Variants in ANO10 observed in about 807,000 individuals in gnomAD.
ANO10 encodes the protein anoctamin-10.
ANO10 carries 77 observed loss-of-function variants against 74.7 expected under a neutral mutation model. That is an observed-to-expected ratio of 1.03 (90% CI 0.86 to 1.25). The LOEUF (loss-of-function observed/expected upper bound fraction) is 1.25. Among genes scored for constraint, ANO10 ranks in the 50% most tolerant of loss-of-function variants. ANO10 has a pLI of 0.00. For missense variants in ANO10, 721 were observed against 778.1 expected (o/e 0.93, Z 0.87); for synonymous variants, 279 against 284.9 (o/e 0.98, Z 0.21).
At chr3:43,612,865 T>A (rs568868532) in intron 1 of ANO10, among the ~76,000 whole-genome samples, 1 of 152,100 alleles carries the variant, frequency 6.6e-6, no homozygotes, top group Non-Finnish European at 1.5e-5. Flanking sequence ...TAAGTGAATG[T>A]TGGATTAAAA....
chr3:43,448,898 G>C lies in ANO10; in HGVS notation c.1798-16171C>G, dbSNP rs1208496330. Among the ~76,000 whole-genome samples the C allele has an allele frequency of 3.6e-5, 5 of 138,718 alleles. No homozygotes were observed. The Admixed American group carries it at 3.9e-4, about 11-fold the overall frequency. 91.0% of individuals were successfully genotyped at this position (138,718 alleles called of 152,430 possible). A position where few individuals can be genotyped will look rare whatever the true frequency, so the allele number is the denominator to read the frequency against. ...CTTTTTTTTTTTTTTTGGAGACAGAGTCTTGTTCTGTCACCCAGGCTGGAG... is the reference window on the plus strand; with the variant it reads ...CTTTTTTTTTTTTTTTGGAGACAGACTCTTGTTCTGTCACCCAGGCTGGAG... On this transcript the variant is annotated intron_variant, in intron 11 of 12. Coordinates refer to ENST00000292246, the MANE Select transcript of ANO10 (RefSeq NM_018075.5).
intron 1 of ANO10, among the ~76,000 whole-genome samples, chr3:43,612,136 TA>T (rs2082847495): frequency 2.0e-5 from 2 of 99,150 alleles, no homozygotes; most frequent in Non-Finnish European, 1.9e-5. Context: ...GAAAATTAAA[TA>T]TTTTATATAT....
At chr3:43,572,451 G>A (rs1044648430) in intron 7 of ANO10, among the ~76,000 whole-genome samples, 1 of 152,190 alleles carries the variant, frequency 6.6e-6, no homozygotes, top group African/African-American at 2.4e-5. Context: ...CCTGATATAA[G>A]AGGCCTCTTC....
At chr3:43,594,825 C>T (rs1197294980) in intron 4 of ANO10, among the ~76,000 whole-genome samples, 5 of 152,014 alleles carry the variant, frequency 3.3e-5, no homozygotes, top group Non-Finnish European at 7.4e-5. Context: ...AATCCAGGAG[C>T]TGGTTTTTTG....
At chr3:43,575,300 T>C (rs2080943575) in intron 6 of ANO10, among the ~76,000 whole-genome samples, 2 of 152,306 alleles carry the variant, frequency 1.3e-5, no homozygotes, top group Non-Finnish European at 2.9e-5. Flanking sequence ...CAAATTTCTA[T>C]CTTCACCTAG....
chr3:43,576,803 C>A lies in ANO10; in HGVS notation c.1051G>T (p.Gly351Trp), dbSNP rs757883422. The A allele has an allele frequency of 1.9e-6, 3 of 1,614,016 alleles. No homozygotes were observed. The highest frequency in any genetic ancestry group is 2.2e-5 in the East Asian group (1 of 44,890). Residue 351 changes from glycine (G) to tryptophan (W), a missense_variant, in exon 6 of 13, where the codon GGG becomes TGG. Transcript: ENST00000292246. ...VWALGLHENS[G>W]SEWTSVLLYV... ...AACAGGACACTGGTCCACTCAGACC[C>A]GCTGTTCTCATGTAGACCCAAGGCC...
intron 11 of ANO10, among the ~76,000 whole-genome samples, chr3:43,443,975 C>CATG (rs1430236670): frequency 6.6e-6 from 1 of 152,074 alleles, no homozygotes; most frequent in Non-Finnish European, 1.5e-5. Flanking sequence ...AGTCACTGCA[C>CATG]CCGGATCCTT....
chr3:43,509,672 T>C (rs1161751733), intron 11 of ANO10, among the ~76,000 whole-genome samples: 2 of 152,180 alleles, frequency 1.3e-5, no homozygotes, highest in Non-Finnish European at 2.9e-5. Context: ...CAATTACCAT[T>C]CAACCCAGCA....
chr3:43,454,763 C>A (rs1559560818), intron 11 of ANO10, among the ~76,000 whole-genome samples: 1 of 151,648 alleles, frequency 6.6e-6, no homozygotes, highest in African/African-American at 2.4e-5. Context: ...TCTTGGTGGA[C>A]TAATGGTTCA....
chr3:43,615,432 C>T (rs1016436840), intron 1 of ANO10, among the ~76,000 whole-genome samples: 6 of 152,018 alleles, frequency 3.9e-5, no homozygotes, highest in African/African-American at 1.4e-4. Context: ...ATATATTTCT[C>T]CAAGTTGTTC....
chr3:43,661,365 T>C (rs184007834), intron 1 of ANO10, among the ~76,000 whole-genome samples: 1 of 152,342 alleles, frequency 6.6e-6, no homozygotes, highest in East Asian at 1.9e-4. Flanking sequence ...TGAAAGATTT[T>C]GTCATCACCA....
intron 12 of ANO10, among the ~76,000 whole-genome samples, chr3:43,396,110 C>T (rs2092376091): frequency 6.7e-6 from 1 of 150,092 alleles, no homozygotes; most frequent in Non-Finnish European, 1.5e-5. Flanking sequence ...CTGGCCAGAA[C>T]ATTCGGCATA....
At chr3:43,421,098 C>G (rs2092812948) in intron 12 of ANO10, among the ~76,000 whole-genome samples, 1 of 152,118 alleles carries the variant, frequency 6.6e-6, no homozygotes, top group South Asian at 2.1e-4. Context: ...AGGCACACAC[C>G]TGTAGTCCCA....
intron 4 of ANO10, among the ~76,000 whole-genome samples, chr3:43,592,030 G>C (rs1371481446): frequency 6.6e-6 from 1 of 151,944 alleles, no homozygotes; most frequent in African/African-American, 2.4e-5. Context: ...CGAACTGCAA[G>C]GCAGCAGCAA....
chr3:43,508,876 T>G (rs1453320515), intron 11 of ANO10, among the ~76,000 whole-genome samples: 1 of 146,614 alleles, frequency 6.8e-6, no homozygotes, highest in Non-Finnish European at 1.5e-5. Flanking sequence ...CACACCAACA[T>G]GGCACATGTA....
chr3:43,454,286 G>A (rs2075026749), intron 11 of ANO10, among the ~76,000 whole-genome samples: 1 of 152,182 alleles, frequency 6.6e-6, no homozygotes, highest in African/African-American at 2.4e-5. Context: ...TCATGGGCCT[G>A]ATTCTATAGG....
intron 9 of ANO10, among the ~76,000 whole-genome samples, chr3:43,558,645 C>T (rs143143146): frequency 8.2e-4 from 125 of 152,248 alleles, no homozygotes; most frequent in African/African-American, 2.8e-3. Flanking sequence ...TTTAGACTCA[C>T]ATATAACAGT....
chr3:43,548,873 C>T (rs528401111), intron 11 of ANO10, among the ~76,000 whole-genome samples: 11 of 152,152 alleles, frequency 7.2e-5, no homozygotes, highest in Admixed American at 3.3e-4. Context: ...AAAAGAAAAA[C>T]GTAAAAAGAG....
chr3:43,383,499 G>C (rs574803373), intron 12 of ANO10, among the ~76,000 whole-genome samples: 22 of 151,424 alleles, frequency 1.5e-4, no homozygotes, highest in African/African-American at 5.1e-4. Flanking sequence ...GATCAAGTGG[G>C]TTCCATACCA....
Sources: allele counts gnomAD v4.1 joint callset (sites outside exome capture counted in the v4.1 genomes callset), GRCh38; gene constraint gnomAD v4.1.1; transcripts MANE v1.5; gene names NCBI Gene and HGNC (gene_info 2026-07-23, HGNC 2026-07-21).